The following ZBTB20 variants were observed in gnomAD, a reference collection of about 807,000 sequenced individuals.
The protein encoded by ZBTB20 is zinc finger and BTB domain containing 20.
A neutral mutation model predicts 56.9 loss-of-function variants in ZBTB20; 9 were observed. That is an observed-to-expected ratio of 0.16 (90% CI 0.10 to 0.28). The LOEUF (loss-of-function observed/expected upper bound fraction) is 0.28. ZBTB20 is among the 10% of genes least tolerant of loss of function. The probability of loss-of-function intolerance (pLI) is 1.00; values close to 1 mark genes in which losing one functional copy is unlikely to be tolerated. For missense variants in ZBTB20, 655 were observed against 1,003.0 expected, an observed-to-expected ratio of 0.65 and a Z score of 4.69; for synonymous variants, 417 against 420.7, an observed-to-expected ratio of 0.99 and a Z score of 0.11.
chr3:114,748,855 A>C (rs769456646), intron 5 of ZBTB20, among the ~76,000 whole-genome samples: 5 of 152,214 alleles, frequency 3.3e-5, no homozygotes, highest in Non-Finnish European at 5.9e-5. Context: ...CATAAGATAA[A>C]CATATAGATT....
chr3:115,077,731 A>G (rs2082646747), intron 1 of ZBTB20, among the ~76,000 whole-genome samples: 1 of 152,222 alleles, frequency 6.6e-6, no homozygotes, highest in Non-Finnish European at 1.5e-5. Context: ...ATAAAACAAA[A>G]GACAAGTGTT....
At chr3:115,035,052 T>C (rs2080857826) in intron 2 of ZBTB20, among the ~76,000 whole-genome samples, 1 of 151,958 alleles carries the variant, frequency 6.6e-6, no homozygotes, top group Admixed American at 6.6e-5. Flanking sequence ...ACACCATATA[T>C]AAAATTAATT....
At chr3:114,947,996 G>A (rs907589065) in intron 3 of ZBTB20, among the ~76,000 whole-genome samples, 5 of 145,126 alleles carry the variant, frequency 3.4e-5, no homozygotes, top group Admixed American at 6.6e-5. Flanking sequence ...AACCTGACAA[G>A]AACATTAAGA....
At position 114,574,985 on chromosome 3, in the gene ZBTB20, T is replaced by C. The variant is rs116093500; in HGVS notation, c.-294-74594A>G. ...GACAGGGAGACACAATGTGGAGTAC[T>C]AGAATACAAGAACTGGAAAGGGCTT... On this transcript the variant is annotated intron_variant, in intron 6 of 11. Transcript: ENST00000675478. 8.1e-3 allele frequency among the ~76,000 whole-genome samples: 1,227 copies of C among 152,252 alleles called. 23 individuals are homozygous for C. The highest frequency in any genetic ancestry group is 0.027 in the African/African-American group (1,127 of 41,528).
chr3:114,548,651 T>C (rs2050199742), intron 6 of ZBTB20, among the ~76,000 whole-genome samples: 1 of 152,154 alleles, frequency 6.6e-6, no homozygotes, highest in Non-Finnish European at 1.5e-5. Context: ...CCCAAGTAGC[T>C]GTGATTACAG....
intron 5 of ZBTB20, among the ~76,000 whole-genome samples, chr3:114,744,076 C>A (rs1280077199): frequency 6.6e-6 from 1 of 152,178 alleles, no homozygotes; most frequent in African/African-American, 2.4e-5. Context: ...CAACCACGCA[C>A]TTTCATCTAT....
At chr3:114,456,099 G>T (rs1238743439) in intron 7 of ZBTB20, among the ~76,000 whole-genome samples, 1 of 151,966 alleles carries the variant, frequency 6.6e-6, no homozygotes, top group East Asian at 1.9e-4. Flanking sequence ...TATATAGTTA[G>T]TGCACAAACC....
intron 7 of ZBTB20, among the ~76,000 whole-genome samples, chr3:114,455,007 G>A (rs2091915434): frequency 6.8e-6 from 1 of 147,484 alleles, no homozygotes; most frequent in Admixed American, 6.8e-5. Context: ...AACCGAGGGA[G>A]GGAGAGAGAG....
chr3:114,670,183 C>T (rs565396034), intron 6 of ZBTB20, among the ~76,000 whole-genome samples: 3 of 152,126 alleles, frequency 2.0e-5, no homozygotes, highest in South Asian at 2.1e-4. Context: ...CTCATTTCTG[C>T]AATTACCCTC....
intron 6 of ZBTB20, among the ~76,000 whole-genome samples, chr3:114,549,326 A>C (rs2050270384): frequency 6.6e-6 from 1 of 152,230 alleles, no homozygotes; most frequent in African/African-American, 2.4e-5. Context: ...TATATGACTT[A>C]GTACAGTGGG....
chr3:114,792,000 T>G (rs1198273121), intron 5 of ZBTB20: 1 of 152,038 alleles, frequency 6.6e-6, no homozygotes, highest in Non-Finnish European at 1.5e-5. Flanking sequence ...CATGAAGGGG[T>G]GCATTTAGAG....
At chr3:114,525,822 T>A (rs1474970678) in intron 6 of ZBTB20, among the ~76,000 whole-genome samples, 1 of 152,198 alleles carries the variant, frequency 6.6e-6, no homozygotes, top group Non-Finnish European at 1.5e-5. Flanking sequence ...TTCTACCTTT[T>A]ACCCTGCTGT....
intron 6 of ZBTB20, among the ~76,000 whole-genome samples, chr3:114,533,406 C>T (rs1411075799): frequency 6.6e-6 from 1 of 151,666 alleles, no homozygotes; most frequent in African/African-American, 2.4e-5. Context: ...TGAAGATCAA[C>T]TTAATGAAAT....
intron 5 of ZBTB20, among the ~76,000 whole-genome samples, chr3:114,703,734 C>G (rs1272246558): frequency 6.6e-6 from 1 of 152,174 alleles, no homozygotes; most frequent in Non-Finnish European, 1.5e-5. Flanking sequence ...AAGACAATTG[C>G]AAGTGTCCCC....
At position 114,517,729 on chromosome 3, in the gene ZBTB20, C is replaced by A. The variant is rs191624809; in HGVS notation, c.-294-17338G>T. On this transcript the variant is annotated intron_variant, in intron 6 of 11. Coordinates refer to ENST00000675478, the MANE Select transcript of ZBTB20 (RefSeq NM_001348800.3). Reference sequence around the variant, plus strand: ...TAGCTGGGATTACAGGCACCTGCTACCATGCCCGGCTAATTTTTGTATTTT... The same window carrying A: ...TAGCTGGGATTACAGGCACCTGCTAACATGCCCGGCTAATTTTTGTATTTT... Among the ~76,000 whole-genome samples the A allele has an allele frequency of 7.3e-4, 111 of 152,154 alleles. No individual in the cohort carries two copies. The East Asian group carries it at 0.019, about 26-fold the overall frequency.
chr3:114,319,649 A>G lies in ZBTB20; in HGVS notation c.*19356T>C, dbSNP rs1262330484. ...AAGAGCTTCTTTAGCATATGCTGAT[A>G]CCAATGAGTCACTGACAGTCCCCAG... is the stretch of plus-strand genomic sequence containing the variant. On this transcript the variant is annotated 3_prime_UTR_variant, in exon 12 of 12. Coordinates refer to ENST00000675478, the MANE Select transcript of ZBTB20 (RefSeq NM_001348800.3). 2.0e-5 allele frequency: 3 copies of G among 152,150 alleles called. No individual in the cohort carries two copies. Among genetic ancestry groups the G allele is most frequent in the African/African-American group, 7.2e-5 (3 of 41,432 alleles). The allele number at this position is 152,150 out of a possible 1,614,324, so 9.4% of individuals were successfully genotyped here.
At chr3:114,463,005 T>C (rs2109151604) in intron 7 of ZBTB20, among the ~76,000 whole-genome samples, 1 of 152,292 alleles carries the variant, frequency 6.6e-6, no homozygotes, top group Non-Finnish European at 1.5e-5. Context: ...AAAGATTCTG[T>C]TTGGGTTGCT....
chr3:114,414,741 T>C (rs2088345237), intron 7 of ZBTB20, among the ~76,000 whole-genome samples: 2 of 147,792 alleles, frequency 1.4e-5, no homozygotes, highest in South Asian at 2.1e-4. Context: ...AATATAATTA[T>C]AAAATATATA....
At chr3:114,379,799 G>T (rs938592352) in intron 10 of ZBTB20, among the ~76,000 whole-genome samples, 14 of 152,174 alleles carry the variant, frequency 9.2e-5, no homozygotes, top group African/African-American at 3.4e-4. Flanking sequence ...AATAACTAAT[G>T]CAAATCTGAC....
Sources: allele counts gnomAD v4.1 joint callset (sites outside exome capture counted in the v4.1 genomes callset), GRCh38; gene constraint gnomAD v4.1.1; transcripts MANE v1.5; gene names NCBI Gene and HGNC (gene_info 2026-07-23, HGNC 2026-07-21).